Variants in KIF15 observed in about 807,000 individuals in gnomAD.
The protein encoded by KIF15 is kinesin family member 15.
KIF15 carries 140 observed loss-of-function variants against 190.6 expected under a neutral mutation model. The observed-to-expected ratio is 0.73, with a 90% CI of 0.64 to 0.84. KIF15 has a LOEUF of 0.84. KIF15 is among the 40% of genes least tolerant of loss of function. The probability of loss-of-function intolerance (pLI) is 0.00; values close to 1 mark genes in which losing one functional copy is unlikely to be tolerated. For missense variants in KIF15, 1,372 were observed against 1,584.4 expected (o/e 0.87, Z 2.28); for synonymous variants, 528 against 551.3 (o/e 0.96, Z 0.59).
chr3:44,807,507 A>T (rs1707569224), intron 16 of KIF15, among the ~76,000 whole-genome samples: 1 of 152,168 alleles, frequency 6.6e-6, no homozygotes, highest in African/African-American at 2.4e-5. Flanking sequence ...TATAGGTGTG[A>T]GCCACCGCGC....
At chr3:44,769,289 C>T (rs891336601) in intron 1 of KIF15, among the ~76,000 whole-genome samples, 4 of 152,074 alleles carry the variant, frequency 2.6e-5, no homozygotes, top group African/African-American at 7.2e-5. Flanking sequence ...GAATGGCAAT[C>T]CATCAAGAAA....
In KIF15 at chr3:44,829,602, GCA is replaced by G. The variant is rs373287778; in HGVS notation, c.2944-368_2944-367del. ...TATGTATATATTATATATTATATAT[GCA>G]TATATATTATATATGTATATACATT... On this transcript the variant is annotated intron_variant, in intron 24 of 34. Transcript: ENST00000326047. Among the ~76,000 whole-genome samples, 83 of 29,502 alleles carry G rather than the reference GCA, an allele frequency of 2.8e-3. 3 individuals are homozygous for G. In the South Asian group the frequency reaches 0.098, roughly 35 times the overall value. The allele number at this position is 29,502 out of a possible 152,430, so 19.4% of individuals were successfully genotyped here. A position where few individuals can be genotyped will look rare whatever the true frequency, so the allele number is the denominator to read the frequency against.
intron 1 of KIF15, among the ~76,000 whole-genome samples, chr3:44,769,010 TA>T (rs1170128317): frequency 6.6e-6 from 1 of 152,118 alleles, no homozygotes; most frequent in Non-Finnish European, 1.5e-5. Flanking sequence ...TGTTAAAAGT[TA>T]AAAAAAATTT....
At chr3:44,833,795 G>A (rs1698183696) in intron 26 of KIF15, among the ~76,000 whole-genome samples, 1 of 152,156 alleles carries the variant, frequency 6.6e-6, no homozygotes, top group Non-Finnish European at 1.5e-5. Flanking sequence ...ACTGTGTCTG[G>A]CTCCTTGTAA....
At chr3:44,859,819 G>C (rs954593663) in intron 6 of KIF15, among the ~76,000 whole-genome samples, 11 of 152,176 alleles carry the variant, frequency 7.2e-5, no homozygotes, top group Non-Finnish European at 1.6e-4. Context: ...GAGAGACTCT[G>C]TCTCCCTCTA....
chr3:44,786,072 C>T (rs978200941), intron 6 of KIF15, among the ~76,000 whole-genome samples: 5 of 152,132 alleles, frequency 3.3e-5, no homozygotes, highest in East Asian at 3.9e-4. Context: ...AAAAATTAGC[C>T]GGGCGTGGTG....
chr3:44,828,172 C>T (rs371720994), intron 23 of KIF15, 42 bp from the exon 24 acceptor site: 368 of 1,425,466 alleles, frequency 2.6e-4, no homozygotes, highest in East Asian at 4.4e-4. Context: ...GTTAACTTTG[C>T]GATTTAATTA....
chr3:44,810,070 AAAT>A (rs1426363499), intron 16 of KIF15, among the ~76,000 whole-genome samples: 1 of 152,164 alleles, frequency 6.6e-6, no homozygotes, highest in Non-Finnish European at 1.5e-5. Context: ...GTGTCTCAAA[AAAT>A]AATAATAATT....
chr3:44,797,635 C>T lies in KIF15; in HGVS notation c.934C>T (p.His312Tyr). ...CGACGTGGGTAATGGAAAACAGAGACATGTTTGCTACAGAGACTCCAAACT... is the reference window on the plus strand; with the variant it reads ...CGACGTGGGTAATGGAAAACAGAGATATGTTTGCTACAGAGACTCCAAACT... ...LVDVGNGKQR[H>Y]VCYRDSKLTF... Residue 312 changes from histidine to tyrosine, a missense_variant, in exon 9 of 35, where the codon CAT (histidine) becomes TAT (tyrosine). His to Tyr is a moderately conservative substitution (Grantham distance 83, BLOSUM62 2). Transcript: ENST00000326047. 1.2e-6 allele frequency: 2 copies of T among 1,614,120 alleles called. No homozygotes were observed. Among genetic ancestry groups the T allele is most frequent in the East Asian group, 2.2e-5 (1 of 44,878 alleles).
chr3:44,780,819 A>G, intron 4 of KIF15, 66 bp from the exon 5 acceptor site: 1 of 1,043,350 alleles, frequency 9.6e-7, no homozygotes, highest in Non-Finnish European at 1.4e-6. Context: ...ATACACTAGT[A>G]TTATAATAGG....
intron 6 of KIF15, chr3:44,863,980 A>C (rs548301576): frequency 1.8e-6 from 1 of 555,976 alleles, no homozygotes; most frequent in Non-Finnish European, 3.2e-6. Context: ...TGGCCAAATG[A>C]GTATCTTCTC....
downstream of KIF15, among the ~76,000 whole-genome samples, chr3:44,857,485 G>A (rs535875479): frequency 5.3e-5 from 8 of 152,296 alleles, no homozygotes; most frequent in Admixed American, 3.3e-4. Context: ...TAAGAATTCC[G>A]ACTGCACAGC....
At chr3:44,838,241 T>C (rs751933592) in intron 26 of KIF15, 34 bp from the exon 27 acceptor site, 1 of 1,563,102 alleles carries the variant, frequency 6.4e-7, no homozygotes, top group South Asian at 1.2e-5. Flanking sequence ...TGGAATACCA[T>C]AATTAAGAAA....
At position 44,852,050 on chromosome 3, in the gene KIF15, CA is replaced by C. The variant is rs1408539601; in HGVS notation, c.3972+99del. 7 of 1,456,272 alleles carry C rather than the reference CA, an allele frequency of 4.8e-6. No individual in the cohort carries two copies. The African/African-American group carries it at 8.5e-5, about 18-fold the overall frequency. 90.2% of individuals were successfully genotyped at this position (1,456,272 alleles called of 1,614,324 possible). A position where few individuals can be genotyped will look rare whatever the true frequency, so the allele number is the denominator to read the frequency against. ...ACTTTGTGATTGGGTGTCCTTAGTT[CA>C]GAGTTGCTTTATTGTATGAAGAGTT... On this transcript the variant is annotated intron_variant, in intron 33 of 34. Coordinates refer to ENST00000326047, the MANE Select transcript of KIF15 (RefSeq NM_020242.3).
intron 26 of KIF15, among the ~76,000 whole-genome samples, chr3:44,833,138 TG>T (rs1391703299): frequency 6.6e-6 from 1 of 152,090 alleles, no homozygotes; most frequent in Non-Finnish European, 1.5e-5. Flanking sequence ...TGTGTGACCT[TG>T]GGGAAGTTAA....
chr3:44,850,665 C>T (rs1297931792), intron 32 of KIF15, among the ~76,000 whole-genome samples: 1 of 152,110 alleles, frequency 6.6e-6, no homozygotes, highest in African/African-American at 2.4e-5. Flanking sequence ...AATGGGGAAC[C>T]AATACAAAGC....
intron 20 of KIF15, among the ~76,000 whole-genome samples, chr3:44,819,607 GAC>G (rs1370752321): frequency 6.6e-6 from 1 of 152,208 alleles, no homozygotes; most frequent in Non-Finnish European, 1.5e-5. Flanking sequence ...TGGTCTAAGA[GAC>G]AGTTTGTTGT....
At chr3:44,838,823 A>G (rs1698453592) in intron 27 of KIF15, among the ~76,000 whole-genome samples, 1 of 151,756 alleles carries the variant, frequency 6.6e-6, no homozygotes, top group South Asian at 2.1e-4. Flanking sequence ...GCATTGGCCA[A>G]CTTCTCCATG....
chr3:44,821,286 C>T (rs1264979041), intron 20 of KIF15, among the ~76,000 whole-genome samples: 116 of 149,646 alleles, frequency 7.8e-4, no homozygotes, highest in Admixed American at 6.3e-3. Context: ...CTGGACGGGG[C>T]GGCTGGCCTG....
Sources: allele counts gnomAD v4.1 joint callset (sites outside exome capture counted in the v4.1 genomes callset), GRCh38; gene constraint gnomAD v4.1.1; transcripts MANE v1.5; gene names NCBI Gene and HGNC (gene_info 2026-07-23, HGNC 2026-07-21).